The following LRRC1 variants were observed in gnomAD, a reference collection of about 807,000 sequenced individuals.
LRRC1 encodes the protein leucine-rich repeat-containing protein 1.
In LRRC1, 28 loss-of-function variants were observed where a neutral mutation model predicts 69.9. The ratio of observed to expected loss-of-function variants is 0.40; its 90% CI spans 0.30 to 0.55. The LOEUF is 0.55. Among genes scored for constraint, LRRC1 ranks in the 20% least tolerant of loss-of-function variants. LRRC1 has a pLI of 0.47. For synonymous variants in LRRC1, 236 were observed against 240.2 expected (o/e 0.98, Z 0.16); for missense variants, 498 against 609.0 (o/e 0.82, Z 1.92).
At chr6:53,815,725 C>T (rs143330118) in intron 1 of LRRC1, among the ~76,000 whole-genome samples, 113 of 152,326 alleles carry the variant, frequency 7.4e-4, no homozygotes, top group Non-Finnish European at 1.2e-3. Flanking sequence ...TCTCTCTCCT[C>T]CTGCGTTCAC....
intron 2 of LRRC1, among the ~76,000 whole-genome samples, chr6:53,845,372 C>T (rs1765910811): frequency 6.6e-6 from 1 of 152,130 alleles, no homozygotes; most frequent in Non-Finnish European, 1.5e-5. Context: ...AATCTGAATA[C>T]CCTAGGTAAC....
chr6:53,868,574 G>A (rs1443900405), intron 2 of LRRC1, among the ~76,000 whole-genome samples: 1 of 152,090 alleles, frequency 6.6e-6, no homozygotes, highest in Non-Finnish European at 1.5e-5. Flanking sequence ...GAAAACAGCG[G>A]TCATCTCTTT....
At chr6:53,862,570 AC>A (rs1766565170) in intron 2 of LRRC1, among the ~76,000 whole-genome samples, 1 of 151,950 alleles carries the variant, frequency 6.6e-6, no homozygotes, top group Non-Finnish European at 1.5e-5. Flanking sequence ...TTAGGTGAAA[AC>A]CTTTTTGATT....
At chr6:53,879,283 G>A (rs894568093) in intron 3 of LRRC1, among the ~76,000 whole-genome samples, 1 of 152,196 alleles carries the variant, frequency 6.6e-6, no homozygotes, top group Non-Finnish European at 1.5e-5. Context: ...AAAGTATGTT[G>A]TAGGGATAAG....
At chr6:53,809,564 GGTGGTTTTGGTAAGGTAAATACA>G (rs1192248514) in intron 1 of LRRC1, among the ~76,000 whole-genome samples, 1 of 152,134 alleles carries the variant, frequency 6.6e-6, no homozygotes, top group African/African-American at 2.4e-5. Flanking sequence ...TTTGTATAAA[GGTGGTTTTGGTAAGGTAAATACA>G]GCAGAAGATA....
At chr6:53,848,862 A>G (rs1006828931) in intron 2 of LRRC1, among the ~76,000 whole-genome samples, 1 of 151,772 alleles carries the variant, frequency 6.6e-6, no homozygotes, top group Non-Finnish European at 1.5e-5. Flanking sequence ...GGTTCAAGTG[A>G]TTCTCCTGCC....
In LRRC1 at chr6:53,878,925, C is replaced by G. The variant is rs1412174792; in HGVS notation, c.278-68C>G. ...CCAGATATTCTCTTGTGAGTGTGATCCATCTTGAGAGTGATGAAAACTGTT... is the reference window on the plus strand; with the variant it reads ...CCAGATATTCTCTTGTGAGTGTGATGCATCTTGAGAGTGATGAAAACTGTT... On this transcript the variant is annotated intron_variant, in intron 2 of 13. Transcript: ENST00000370888. 7 of 852,624 alleles carry G rather than the reference C, an allele frequency of 8.2e-6. No individual in the cohort carries two copies. In the East Asian group the frequency reaches 1.6e-4, roughly 19 times the overall value. The allele number at this position is 852,624 out of a possible 1,614,324, so 52.8% of individuals were successfully genotyped here.
intron 2 of LRRC1, among the ~76,000 whole-genome samples, chr6:53,850,679 G>A (rs1038532938): frequency 3.9e-5 from 6 of 152,206 alleles, no homozygotes; most frequent in Non-Finnish European, 8.8e-5. Flanking sequence ...ATTAGCATAG[G>A]CTATTGATTT....
chr6:53,855,376 T>G (rs1766276975), intron 2 of LRRC1, among the ~76,000 whole-genome samples: 1 of 152,218 alleles, frequency 6.6e-6, no homozygotes, highest in Non-Finnish European at 1.5e-5. Flanking sequence ...CAAGTGGGTC[T>G]GAGCAAATTA....
chr6:53,862,285 TCG>T (rs764004149), intron 2 of LRRC1, among the ~76,000 whole-genome samples: 2 of 103,688 alleles, frequency 1.9e-5, no homozygotes, highest in Non-Finnish European at 3.9e-5. Flanking sequence ...TTAACCTGAA[TCG>T]TGTGTGTGTG....
chr6:53,882,437 A>G (rs1310238700), intron 3 of LRRC1, among the ~76,000 whole-genome samples: 1 of 152,222 alleles, frequency 6.6e-6, no homozygotes, highest in Non-Finnish European at 1.5e-5. Context: ...AGGAAGAAAA[A>G]TTATGCAGTA....
rs57100329 is a variant in LRRC1 at position 53,883,413 on chromosome 6, G to T, written c.446+437G>T. On this transcript the variant is annotated intron_variant, in intron 4 of 13. Coordinates refer to ENST00000370888, the MANE Select transcript of LRRC1 (RefSeq NM_018214.5). ...AACAGCTATGTCTGACAGTATTTGT[G>T]AACTGTGGATCCAAGAATAGGGAAT... Among the ~76,000 whole-genome samples the T allele has an allele frequency of 3.6e-3, 546 of 152,282 alleles. 4 individuals are homozygous for T. The highest frequency in any genetic ancestry group is 0.013 in the African/African-American group (529 of 41,538).
chr6:53,810,934 A>G (rs1410947501), intron 1 of LRRC1, among the ~76,000 whole-genome samples: 1 of 152,046 alleles, frequency 6.6e-6, no homozygotes, highest in African/African-American at 2.4e-5. Flanking sequence ...TTTGAGGTTT[A>G]CTTTTCTAAT....
At chr6:53,908,169 T>A (rs1581915579) in intron 10 of LRRC1, among the ~76,000 whole-genome samples, 1 of 152,302 alleles carries the variant, frequency 6.6e-6, no homozygotes, top group Non-Finnish European at 1.5e-5. Context: ...AGCATGAGTA[T>A]GATGAATGAG....
chr6:53,882,981 G>GT lies in LRRC1; in HGVS notation c.446+12dup, dbSNP rs1291538711. Reference sequence around the variant, plus strand: ...TCTACCTGAAAATATTGGCAAGTAAGTTTTTTTGTGAAGTTTGGGTGGATC... The same window carrying GT: ...TCTACCTGAAAATATTGGCAAGTAAGTTTTTTTTGTGAAGTTTGGGTGGATC... On this transcript the variant is annotated splice_donor_region_variant and intron_variant, in intron 4 of 13. Transcript: ENST00000370888. The GT allele has an allele frequency of 3.1e-6, 5 of 1,591,810 alleles. No homozygotes were observed. In the South Asian group the frequency reaches 4.5e-5, roughly 14 times the overall value.
chr6:53,870,515 A>G (rs116580067), intron 2 of LRRC1, among the ~76,000 whole-genome samples: 2,880 of 152,184 alleles, frequency 0.019, 39 homozygotes, highest in Middle Eastern at 0.031. Context: ...TTTATCTTTA[A>G]TGGACACATA....
At chr6:53,826,066 T>C (rs886550720) in intron 1 of LRRC1, among the ~76,000 whole-genome samples, 1 of 151,940 alleles carries the variant, frequency 6.6e-6, no homozygotes, top group African/African-American at 2.4e-5. Flanking sequence ...TTCCCATCTT[T>C]CTAGTGTGTC....
At chr6:53,895,144 C>G (rs1000754848) in intron 4 of LRRC1, among the ~76,000 whole-genome samples, 5 of 152,154 alleles carry the variant, frequency 3.3e-5, no homozygotes, top group Admixed American at 6.5e-5. Flanking sequence ...GTCTCGATCT[C>G]CTGACCTCGT....
At chr6:53,806,851 T>C (rs1479584192) in intron 1 of LRRC1, among the ~76,000 whole-genome samples, 1 of 152,224 alleles carries the variant, frequency 6.6e-6, no homozygotes, top group African/African-American at 2.4e-5. Flanking sequence ...GTTAAAACAC[T>C]CACTCCCTCA....
Sources: gnomAD v4.1 joint callset for allele counts (sites outside exome capture counted in the v4.1 genomes callset) on GRCh38, gnomAD v4.1.1 for gene constraint, MANE v1.5 for transcripts, NCBI Gene and HGNC (gene_info 2026-07-23, HGNC 2026-07-21) for gene names.